Variants in HDAC9 observed in about 807,000 individuals in gnomAD.
HDAC9 encodes the protein MEF-2 interacting transcription repressor (MITR) protein.
A neutral mutation model predicts 139.4 loss-of-function variants in HDAC9; 41 were observed. That is an observed-to-expected ratio of 0.29 (90% CI 0.23 to 0.38). HDAC9 has a LOEUF of 0.38. Ranked by LOEUF, HDAC9 falls within the 10% of genes least tolerant of loss-of-function variation. The pLI is 1.00. For synonymous variants in HDAC9, 517 were observed against 476.2 expected (o/e 1.09, Z -1.12); for missense variants, 1,147 against 1,297.0 (o/e 0.88, Z 1.78).
At chr7:18,249,812 A>G (rs980776415) in intron 2 of HDAC9, among the ~76,000 whole-genome samples, 2 of 152,198 alleles carry the variant, frequency 1.3e-5, no homozygotes, top group African/African-American at 4.8e-5. Flanking sequence ...CTTTTAATGA[A>G]TAGGTTATAC....
At chr7:18,930,663 A>G (rs973516338) in intron 22 of HDAC9, among the ~76,000 whole-genome samples, 5 of 152,234 alleles carry the variant, frequency 3.3e-5, no homozygotes, top group African/African-American at 1.2e-4. Flanking sequence ...AAGAAAGGGC[A>G]TGGGCCTTGT....
chr7:18,146,014 C>T (rs144353474), intron 1 of HDAC9, among the ~76,000 whole-genome samples: 1 of 152,134 alleles, frequency 6.6e-6, no homozygotes, highest in East Asian at 1.9e-4. Flanking sequence ...ACTGTTGATT[C>T]ACCAGCAAAA....
chr7:18,269,085 A>G (rs1365988409), intron 2 of HDAC9, among the ~76,000 whole-genome samples: 1 of 152,214 alleles, frequency 6.6e-6, no homozygotes, highest in East Asian at 1.9e-4. Flanking sequence ...TTGAGGGTTA[A>G]TAAGTGGGTC....
At chr7:18,836,104 C>G (rs556204569) in intron 21 of HDAC9, 107 bp downstream of exon 21, 2 of 614,150 alleles carry the variant, frequency 3.3e-6, no homozygotes, top group African/African-American at 3.7e-5. Context: ...GGTAAATTAT[C>G]GCTCAAAGCC....
chr7:18,799,092 CACAG>C (rs1215662823), intron 17 of HDAC9, among the ~76,000 whole-genome samples: 3 of 147,088 alleles, frequency 2.0e-5, no homozygotes, highest in Admixed American at 1.4e-4. Flanking sequence ...CACACACACA[CACAG>C]AGCCCCTCGG....
chr7:18,343,400 T>G (rs1250372093), intron 1 of HDAC9, among the ~76,000 whole-genome samples: 1 of 151,792 alleles, frequency 6.6e-6, no homozygotes, highest in African/African-American at 2.4e-5. Context: ...CTTAACACAG[T>G]TATAACATAT....
intron 1 of HDAC9, among the ~76,000 whole-genome samples, chr7:18,337,251 C>G (rs377462848): frequency 6.6e-6 from 1 of 151,600 alleles, no homozygotes; most frequent in Non-Finnish European, 1.5e-5. Context: ...AACCTTTCTT[C>G]CTTTCTTCCT....
At chr7:18,524,258 A>G (rs921448509) in intron 2 of HDAC9, among the ~76,000 whole-genome samples, 1 of 152,176 alleles carries the variant, frequency 6.6e-6, no homozygotes, top group Non-Finnish European at 1.5e-5. Flanking sequence ...AAAGTTAACA[A>G]CTTTGTATAT....
At chr7:18,406,985 A>G (rs1436405849) in intron 1 of HDAC9, among the ~76,000 whole-genome samples, 1 of 152,230 alleles carries the variant, frequency 6.6e-6, no homozygotes, top group African/African-American at 2.4e-5. Flanking sequence ...CTGGAAAATA[A>G]TAATAGAAAT....
At chr7:18,495,599 TC>T (rs1796748510), upstream of HDAC9, 4 of 230,994 alleles carry the variant, frequency 1.7e-5, no homozygotes, top group Non-Finnish European at 2.9e-5. Context: ...TAATGCAGGC[TC>T]CAATCACTCG....
rs147837403 is a variant in HDAC9, at chr7:18,147,885, G to A, written c.-96-14344G>A. Among the ~76,000 whole-genome samples, 977 of 152,038 alleles carry A rather than the reference G, an allele frequency of 6.4e-3. 5 individuals carry two copies. The highest frequency in any genetic ancestry group is 7.2e-3 in the Non-Finnish European group (490 of 67,978). ...TTATTATGTCATTAATTTACTGTAA[G>A]TATTGAGGTGTATCCATTTTGACAT... On this transcript the variant is annotated intron_variant, in intron 1 of 12. Transcript: ENST00000417496.
intron 12 of HDAC9, among the ~76,000 whole-genome samples, chr7:18,724,719 A>C (rs1271413889): frequency 6.6e-6 from 1 of 152,176 alleles, no homozygotes; most frequent in African/African-American, 2.4e-5. Context: ...TATGTGGTCT[A>C]TCCTTGACCA....
intron 16 of HDAC9, among the ~76,000 whole-genome samples, chr7:18,791,112 ACT>A (rs1013605035): frequency 1.3e-5 from 2 of 151,912 alleles, no homozygotes; most frequent in Non-Finnish European, 2.9e-5. Flanking sequence ...AAGATACAGC[ACT>A]CTCTGCTGCT....
intron 1 of HDAC9, among the ~76,000 whole-genome samples, chr7:18,423,848 A>G (rs1365516692): frequency 6.6e-6 from 1 of 152,226 alleles, no homozygotes; most frequent in Non-Finnish European, 1.5e-5. Flanking sequence ...AGCAAGTCAC[A>G]GTGCCAGACC....
chr7:18,616,870 C>G (rs1838746222), intron 6 of HDAC9, among the ~76,000 whole-genome samples: 1 of 152,122 alleles, frequency 6.6e-6, no homozygotes, highest in Non-Finnish European at 1.5e-5. Flanking sequence ...GTTGAATAGA[C>G]TTAGAGGTTA....
chr7:18,103,481 G>A (rs1430709802), intron 1 of HDAC9, among the ~76,000 whole-genome samples: 1 of 152,054 alleles, frequency 6.6e-6, no homozygotes, highest in African/African-American at 2.4e-5. Context: ...AGCCCTTTGC[G>A]CCATCTCTCT....
chr7:18,833,542 C>G lies in HDAC9; in HGVS notation c.2467-1925C>G, dbSNP rs569032643. ...TTTTCTAGATATCCAGTAACAAACACAAAAGACATTGTGGCTTTAATTGTT... is the reference window on the plus strand; with the variant it reads ...TTTTCTAGATATCCAGTAACAAACAGAAAAGACATTGTGGCTTTAATTGTT... On this transcript the variant is annotated intron_variant, in intron 19 of 25. Coordinates refer to ENST00000686413, the MANE Select transcript of HDAC9 (RefSeq NM_178425.4). 3.3e-5 allele frequency among the ~76,000 whole-genome samples: 5 copies of G among 152,266 alleles called. No individual in the cohort carries two copies. In the East Asian group the frequency reaches 9.6e-4, roughly 29 times the overall value.
intron 1 of HDAC9, among the ~76,000 whole-genome samples, chr7:18,292,663 T>C (rs1468535383): frequency 6.6e-6 from 1 of 152,158 alleles, no homozygotes; most frequent in Admixed American, 6.6e-5. Flanking sequence ...GGATTTTGTT[T>C]TTAAGGCCAT....
chr7:18,094,750 C>A (rs1337365856), intron 1 of HDAC9, among the ~76,000 whole-genome samples: 1 of 152,082 alleles, frequency 6.6e-6, no homozygotes. Flanking sequence ...GCCACCGTGC[C>A]AGGCCCTTAC....
Sources: allele counts gnomAD v4.1 joint callset (sites outside exome capture counted in the v4.1 genomes callset), GRCh38; gene constraint gnomAD v4.1.1; transcripts MANE v1.5; gene names NCBI Gene and HGNC (gene_info 2026-07-23, HGNC 2026-07-21).